The following VPS13B variants were observed in gnomAD, a reference collection of about 807,000 sequenced individuals.
VPS13B encodes the protein intermembrane lipid transfer protein VPS13B.
In VPS13B, 285 loss-of-function variants were observed where a neutral mutation model predicts 426.4. That is an observed-to-expected ratio of 0.67 (90% confidence interval 0.61 to 0.74). VPS13B has a LOEUF of 0.74. Ranked by LOEUF, VPS13B falls within the 30% of genes least tolerant of loss-of-function variation. The pLI is 0.00. For synonymous variants in VPS13B, 1,676 were observed against 1,676.4 expected, an observed-to-expected ratio of 1.00 and a Z score of 0.01; for missense variants, 4,537 against 4,782.6, an observed-to-expected ratio of 0.95 and a Z score of 1.51.
chr8:99,629,534 G>T (rs1396317898), intron 33 of VPS13B, among the ~76,000 whole-genome samples: 2 of 152,150 alleles, frequency 1.3e-5, no homozygotes, highest in Admixed American at 1.3e-4. Context: ...GTTATTGTGG[G>T]CTCATAAAGA....
chr8:99,534,394 T>A (rs536576058), intron 30 of VPS13B, among the ~76,000 whole-genome samples: 2 of 152,234 alleles, frequency 1.3e-5, no homozygotes, highest in Non-Finnish European at 2.9e-5. Flanking sequence ...ACTTTTATAC[T>A]TTCTTCTAGA....
chr8:99,540,118 C>T lies in VPS13B; in HGVS notation c.4746-16332C>T, dbSNP rs572541710. ...TTTTTGAGACGGAGTCTCACTTTGT[C>T]GCCCAGGCTAGAGTGCAGTGGTGCG... On this transcript the variant is annotated intron_variant, in intron 30 of 61. Transcript: ENST00000357162. Among the ~76,000 whole-genome samples, 119 of 108,386 alleles carry T rather than the reference C, an allele frequency of 1.1e-3. 2 individuals carry two copies. Among genetic ancestry groups the T allele is most frequent in the Admixed American group, 6.9e-3 (58 of 8,466 alleles). The allele number at this position is 108,386 out of a possible 152,430, so 71.1% of individuals were successfully genotyped here.
At chr8:99,807,892 G>T (rs1221611901) in intron 43 of VPS13B, among the ~76,000 whole-genome samples, 1 of 127,962 alleles carries the variant, frequency 7.8e-6, no homozygotes, top group African/African-American at 2.9e-5. Context: ...AAAAAAAAAA[G>T]CCCTATCTTA....
intron 3 of VPS13B, among the ~76,000 whole-genome samples, chr8:99,079,497 T>G (rs1845327653): frequency 6.6e-6 from 1 of 152,210 alleles, no homozygotes; most frequent in African/African-American, 2.4e-5. Flanking sequence ...GATATTTTAC[T>G]CTAGTTTATA....
At chr8:99,527,704 G>T (rs1305545409) in intron 30 of VPS13B, 1 of 152,096 alleles carries the variant, frequency 6.6e-6, no homozygotes, top group Non-Finnish European at 1.5e-5. Context: ...TATAAAGGCA[G>T]ATTTTTAAAA....
In VPS13B at chr8:99,835,634, A is replaced by G; in HGVS notation, c.9838A>G (p.Lys3280Glu). Residue 3280 changes from lysine (K) to glutamate (E), a missense_variant, in exon 54 of 62, where the codon AAG becomes GAG. By Grantham distance (56) the Lys-to-Glu change is moderately conservative. This residue lies in a region of VPS13B where 4,311 missense variants were observed against 4,474.3 expected (regional missense o/e 0.96). Coordinates refer to ENST00000357162, the MANE Select transcript of VPS13B (RefSeq NM_152564.5). ...YHQISSYPDC[K>E]TKDLLPSLLL... ...TCAGATTTCCAGTTATCCGGACTGCAAGACCAAAGACTTACTTCCAAGCCT... is the reference window on the plus strand; with the variant it reads ...TCAGATTTCCAGTTATCCGGACTGCGAGACCAAAGACTTACTTCCAAGCCT... The G allele has an allele frequency of 6.2e-7, 1 of 1,614,158 alleles. No homozygotes were observed. Among genetic ancestry groups the G allele is most frequent in the Non-Finnish European group, 8.5e-7 (1 of 1,180,016 alleles).
chr8:99,404,098 T>A (rs1249674180), intron 21 of VPS13B, among the ~76,000 whole-genome samples: 1 of 152,252 alleles, frequency 6.6e-6, no homozygotes, highest in African/African-American at 2.4e-5. Context: ...ACTTCATCTG[T>A]TTCATTACAA....
intron 35 of VPS13B, among the ~76,000 whole-genome samples, chr8:99,685,392 G>C (rs771519226): frequency 3.9e-5 from 6 of 152,334 alleles, no homozygotes; most frequent in Middle Eastern, 3.4e-3. Context: ...CAGACTGTTA[G>C]TTGGCCTGGG....
At chr8:99,467,828 A>G (rs574434278) in intron 24 of VPS13B, among the ~76,000 whole-genome samples, 194 bp downstream of exon 24, 1 of 152,288 alleles carries the variant, frequency 6.6e-6, no homozygotes, top group South Asian at 2.1e-4. Context: ...TCTTCTGAAA[A>G]TGTAATGGTG....
intron 16 of VPS13B, among the ~76,000 whole-genome samples, chr8:99,178,406 G>A (rs1205088717): frequency 6.7e-6 from 1 of 148,496 alleles, no homozygotes; most frequent in South Asian, 2.1e-4. Context: ...TCTAATAATA[G>A]CATCATAATC....
intron 35 of VPS13B, among the ~76,000 whole-genome samples, chr8:99,674,227 C>A (rs1488452584): frequency 6.6e-6 from 1 of 151,938 alleles, no homozygotes; most frequent in African/African-American, 2.4e-5. Flanking sequence ...CTATCTCTCC[C>A]TTTAGATCTA....
At chr8:99,691,247 CTGTGTGTGTGTG>C (rs144300139) in intron 35 of VPS13B, among the ~76,000 whole-genome samples, 11 of 146,918 alleles carry the variant, frequency 7.5e-5, no homozygotes, top group Non-Finnish European at 1.4e-4. Flanking sequence ...GTATGGGATA[CTGTGTGTGTGTG>C]TGTGTGTGTG....
At chr8:99,476,399 A>G (rs1038915753) in intron 24 of VPS13B, among the ~76,000 whole-genome samples, 10 of 146,964 alleles carry the variant, frequency 6.8e-5, no homozygotes, top group Non-Finnish European at 1.5e-4. Flanking sequence ...ATTCCAAAGG[A>G]TGGCTTGATT....
At chr8:99,053,657 A>G (rs1483393995) in intron 3 of VPS13B, among the ~76,000 whole-genome samples, 1 of 149,896 alleles carries the variant, frequency 6.7e-6, no homozygotes, top group Non-Finnish European at 1.5e-5. Context: ...GGCATATGAC[A>G]AGGTTCCTTT....
intron 25 of VPS13B, among the ~76,000 whole-genome samples, chr8:99,493,853 G>GACAAA (rs1820753402): frequency 6.6e-6 from 1 of 150,822 alleles, no homozygotes; most frequent in Non-Finnish European, 1.5e-5. Context: ...GGACCATATG[G>GACAAA]ACAAAGGACC....
intron 19 of VPS13B, among the ~76,000 whole-genome samples, chr8:99,374,615 A>G: frequency 6.6e-6 from 1 of 152,304 alleles, no homozygotes; most frequent in South Asian, 2.1e-4. Flanking sequence ...TTGTATATAA[A>G]GAGAATGGAG....
intron 39 of VPS13B, among the ~76,000 whole-genome samples, chr8:99,728,617 G>T (rs1833453535): frequency 6.6e-6 from 1 of 152,204 alleles, no homozygotes; most frequent in African/African-American, 2.4e-5. Context: ...CGTAATAATT[G>T]TTAGGGATGC....
intron 19 of VPS13B, among the ~76,000 whole-genome samples, chr8:99,354,515 G>T (rs1376072082): frequency 2.0e-5 from 3 of 151,344 alleles, no homozygotes; most frequent in African/African-American, 7.3e-5. Flanking sequence ...CATTTAGAAA[G>T]CATGTCAAAA....
chr8:99,817,516 C>A, intron 44 of VPS13B, 24 bp from the exon 45 acceptor site: 1 of 1,613,248 alleles, frequency 6.2e-7, no homozygotes, highest in South Asian at 1.1e-5. Context: ...TTGATGAAGC[C>A]TTATATACTT....
Sources: gnomAD v4.1 joint callset for allele counts (sites outside exome capture counted in the v4.1 genomes callset) on GRCh38, gnomAD v4.1.1 for gene constraint, gnomAD v4.1.1 regional missense constraint, MANE v1.5 for transcripts, NCBI Gene and HGNC (gene_info 2026-07-23, HGNC 2026-07-21) for gene names.